Variants in TFRC observed in about 807,000 individuals in gnomAD.
TFRC encodes the protein transferrin receptor, also known as transferrin receptor protein 1.
A neutral mutation model predicts 85.8 loss-of-function variants in TFRC; 35 were observed. The observed-to-expected ratio is 0.41, with a 90% CI of 0.31 to 0.54. The LOEUF (loss-of-function observed/expected upper bound fraction) is 0.54, where lower values mean the gene tolerates loss of function less well. Among genes scored for constraint, TFRC ranks in the 20% least tolerant of loss-of-function variants. TFRC has a pLI of 0.31. For missense variants in TFRC, 828 were observed against 921.5 expected (o/e 0.90, Z 1.31); for synonymous variants, 362 against 328.6 (o/e 1.10, Z -1.10).
chr3:196,081,182 A>C (rs957064041), intron 1 of TFRC, among the ~76,000 whole-genome samples: 1 of 152,174 alleles, frequency 6.6e-6, no homozygotes, highest in Non-Finnish European at 1.5e-5. Flanking sequence ...CCACACCGCT[A>C]ATCTCCAAGT....
At chr3:196,081,609 G>C (rs1044994866) in intron 1 of TFRC, among the ~76,000 whole-genome samples, 48 of 152,208 alleles carry the variant, frequency 3.2e-4, no homozygotes, top group African/African-American at 9.6e-4. Flanking sequence ...CCGCGCTCCC[G>C]GACCCGCAGC....
chr3:196,060,193 T>C lies in TFRC; in HGVS notation c.1523A>G (p.Lys508Arg). The C allele has an allele frequency of 1.2e-6, 2 of 1,613,758 alleles. No individual in the cohort carries two copies. Among genetic ancestry groups the C allele is most frequent in the Non-Finnish European group, 1.7e-6 (2 of 1,179,830 alleles). The change falls in exon 14 of 19, where the codon AAA becomes AGA. Residue 508 changes from lysine (K) to arginine (R), a missense_variant. Lys to Arg is a conservative substitution (Grantham distance 26). Transcript: ENST00000360110. ...GTATATACTCACATTTTGCATTGTTTTCTCAATAAGCGTATACAACAGTGG... is the reference window on the plus strand; with the variant it reads ...GTATATACTCACATTTTGCATTGTTCTCTCAATAAGCGTATACAACAGTGG... ...ASPLLYTLIE[K>R]TMQNVKHPVT...
At chr3:196,080,698 T>C (rs1719096267) in intron 1 of TFRC, among the ~76,000 whole-genome samples, 1 of 152,260 alleles carries the variant, frequency 6.6e-6, no homozygotes, top group African/African-American at 2.4e-5. Context: ...AGGCTAGGTT[T>C]ACAGCCACCA....
chr3:196,080,736 T>C (rs3804140), intron 1 of TFRC, among the ~76,000 whole-genome samples: 73,013 of 151,836 alleles, frequency 0.48, 19,322 homozygotes, highest in Non-Finnish European at 0.61. Flanking sequence ...CCAAAGGAAA[T>C]TGAAGGATGC....
chr3:196,063,040 T>C lies in TFRC; in HGVS notation c.1319-101A>G, dbSNP rs41297457. ...TGAATCAGAAGGTCTAATTCCAAGA[T>C]AGCAGATTCCAAAATCTTTTTTTTC... On this transcript the variant is annotated intron_variant, in intron 11 of 18. Transcript: ENST00000360110. 2,420 of 812,562 alleles carry C rather than the reference T, an allele frequency of 3.0e-3. 27 individuals carry two copies. In the African/African-American group the frequency reaches 0.038, roughly 13 times the overall value. The allele number at this position is 812,562 out of a possible 1,614,324, so 50.3% of individuals were successfully genotyped here.
intron 10 of TFRC, among the ~76,000 whole-genome samples, chr3:196,064,827 C>A (rs1364893957): frequency 6.6e-6 from 1 of 152,214 alleles, no homozygotes; most frequent in African/African-American, 2.4e-5. Context: ...GACTGTATAG[C>A]CTGGCAAAAG....
At chr3:196,058,519 G>A in intron 15 of TFRC, 55 bp downstream of exon 15, 1 of 1,484,586 alleles carries the variant, frequency 6.7e-7, no homozygotes. Flanking sequence ...ACCTAATGTA[G>A]TAGGTAGAAT....
At chr3:196,060,337 G>T in intron 13 of TFRC, 90 bp from the exon 14 acceptor site, 1 of 1,114,832 alleles carries the variant, frequency 9.0e-7, no homozygotes, top group Non-Finnish European at 1.3e-6. Flanking sequence ...TGACAAATAA[G>T]ACAGTAATCT....
intron 12 of TFRC, 61 bp downstream of exon 12, chr3:196,062,793 C>T (rs551371565): frequency 1.3e-6 from 2 of 1,590,398 alleles, no homozygotes; most frequent in East Asian, 2.2e-5. Flanking sequence ...AACATCACTT[C>T]TGGACAACAG....
chr3:196,058,344 A>G lies in TFRC; in HGVS notation c.1617T>C (p.Asn539=). The G allele has an allele frequency of 6.2e-7, 1 of 1,614,050 alleles. No homozygotes were observed. The highest frequency in any genetic ancestry group is 8.5e-7 in the Non-Finnish European group (1 of 1,179,950). ...AATATGCAAGGAAAGGGAAAGCAGC[A>G]TTGTCTAAAGTGAGTTTCTCACTGC... ...ASKVEKLTLD[N]AAFPFLAYSG... The change falls in exon 16 of 19, where the codon AAT becomes AAC. Residue 539 remains asparagine, a synonymous_variant. Coordinates refer to ENST00000360110, the MANE Select transcript of TFRC (RefSeq NM_001128148.3).
In TFRC at chr3:196,064,334, C is replaced by T; in HGVS notation, c.1293G>A (p.Gln431=). The change falls in exon 11 of 19, where the codon CAG becomes CAA. Residue 431 remains glutamine, a synonymous_variant. Coordinates refer to ENST00000360110, the MANE Select transcript of TFRC (RefSeq NM_001128148.3). ...VGTALLLKLA[Q]MFSDMVLKDG... ...CTTTTAAGACCATATCTGAGAACAT[C>T]TGGGCAAGTTTCAATAGGAGAGCTG... 1.9e-6 allele frequency: 3 copies of T among 1,613,198 alleles called. No homozygotes were observed. Among genetic ancestry groups the T allele is most frequent in the Non-Finnish European group, 2.5e-6 (3 of 1,179,730 alleles).
chr3:196,076,648 C>T lies in TFRC; in HGVS notation c.36+416G>A, dbSNP rs140580534. On this transcript the variant is annotated intron_variant, in intron 2 of 18. Transcript: ENST00000360110. ...TTTTTTTTGTATTTTTAGTAGAGACCGAGTTTCACCATGTTGGTCAGGCTG... is the reference window on the plus strand; with the variant it reads ...TTTTTTTTGTATTTTTAGTAGAGACTGAGTTTCACCATGTTGGTCAGGCTG... 2.6e-4 allele frequency among the ~76,000 whole-genome samples: 39 copies of T among 151,736 alleles called. No homozygotes were observed. In the East Asian group the frequency reaches 7.5e-3, roughly 29 times the overall value.
At chr3:196,055,666 ACGAGGT>A (rs1267640758) in intron 16 of TFRC, 1 of 304,738 alleles carries the variant, frequency 3.3e-6, no homozygotes, top group Non-Finnish European at 6.3e-6. Context: ...ATACCTTGAG[ACGAGGT>A]CTCTCTGTCA....
chr3:196,063,037 A>C, intron 11 of TFRC, 98 bp from the exon 12 acceptor site: 1 of 857,740 alleles, frequency 1.2e-6, no homozygotes, highest in East Asian at 2.7e-5. Context: ...TCTAATTCCA[A>C]GATAGCAGAT....
chr3:196,075,456 C>T lies in TFRC; in HGVS notation c.37-96G>A, dbSNP rs559355045. The T allele has an allele frequency of 3.1e-4, 370 of 1,188,132 alleles. No individual in the cohort carries two copies. The Middle Eastern group carries it at 4.3e-3, about 14-fold the overall frequency. The allele number at this position is 1,188,132 out of a possible 1,614,324, so 73.6% of individuals were successfully genotyped here. A position where few individuals can be genotyped will look rare whatever the true frequency, so the allele number is the denominator to read the frequency against. ...GCTTGTTATTGGGCCATTACTATAA[C>T]TTGCTATATATTCCTTAGGGTGTTC... On this transcript the variant is annotated intron_variant, in intron 2 of 18. Transcript: ENST00000360110.
chr3:196,078,255 G>A (rs1439430349), intron 1 of TFRC, among the ~76,000 whole-genome samples: 1 of 151,986 alleles, frequency 6.6e-6, no homozygotes, highest in Non-Finnish European at 1.5e-5. Context: ...CCATTTTAAA[G>A]CTTTTCCTAT....
chr3:196,077,056 T>C lies in TFRC; in HGVS notation c.36+8A>G. Reference sequence around the variant, plus strand: ...GCAGACACAGAAATACAACTGAAAATATCTTACCAAGTTAGAGAATGCTGA... The same window carrying C: ...GCAGACACAGAAATACAACTGAAAACATCTTACCAAGTTAGAGAATGCTGA... On this transcript the variant is annotated splice_region_variant and intron_variant, in intron 2 of 18. Transcript: ENST00000360110. 6.2e-7 allele frequency: 1 copy of C among 1,613,442 alleles called. No homozygotes were observed. Among genetic ancestry groups the C allele is most frequent in the Non-Finnish European group, 8.5e-7 (1 of 1,179,574 alleles).
Position 196,064,323 on chromosome 3 carries a change from T to C in TFRC, c.1304A>G (p.Asp435Gly). ...TTGTACTCTACCTTTTAAGACCATA[T>C]CTGAGAACATCTGGGCAAGTTTCAA... ...LLLKLAQMFS[D>G]MVLKDGFQPS... The change falls in exon 11 of 19, where the codon GAT (aspartate) becomes GGT (glycine). Residue 435 changes from aspartate (D) to glycine (G), a missense_variant. Asp to Gly is a moderately conservative substitution (Grantham distance 94). Coordinates refer to ENST00000360110, the MANE Select transcript of TFRC (RefSeq NM_001128148.3). The C allele has an allele frequency of 6.2e-7, 1 of 1,611,926 alleles. No homozygotes were observed. The highest frequency in any genetic ancestry group is 1.1e-5 in the South Asian group (1 of 90,644).
chr3:196,067,680 C>A (rs1717852086), intron 8 of TFRC, 23 bp from the exon 9 acceptor site: 1 of 1,609,998 alleles, frequency 6.2e-7, no homozygotes, highest in Admixed American at 1.7e-5. Context: ...AAGAGCAATT[C>A]ACTCCATCAC....
Sources: allele counts gnomAD v4.1 joint callset (sites outside exome capture counted in the v4.1 genomes callset), GRCh38; gene constraint gnomAD v4.1.1; transcripts MANE v1.5; gene names NCBI Gene and HGNC (gene_info 2026-07-23, HGNC 2026-07-21).